The following TFR2 variants were observed in gnomAD, a reference collection of about 807,000 sequenced individuals.
TFR2 encodes the protein transferrin receptor 2.
A neutral mutation model predicts 91.9 loss-of-function variants in TFR2; 64 were observed. The observed-to-expected ratio is 0.70, with a 90% CI of 0.57 to 0.86. The LOEUF is 0.86. Ranked by LOEUF, TFR2 falls within the 40% of genes least tolerant of loss-of-function variation. The pLI is 0.00. For synonymous variants in TFR2, 454 were observed against 459.6 expected (o/e 0.99, Z 0.15); for missense variants, 950 against 1,080.5 (o/e 0.88, Z 1.69).
chr7:100,633,659 G>T (rs2131321108), intron 3 of TFR2, 103 bp from the exon 4 acceptor site: 1 of 1,441,842 alleles, frequency 6.9e-7, no homozygotes, highest in East Asian at 2.5e-5. Context: ...GGGCGGCGAG[G>T]GGTTCCTGAG....
intron 3 of TFR2, among the ~76,000 whole-genome samples, chr7:100,634,172 A>G (rs1044063492): frequency 7.2e-6 from 1 of 138,480 alleles, no homozygotes; most frequent in African/African-American, 2.8e-5. Context: ...GTTCCTCCCG[A>G]CGTCAACACA....
Position 100,627,977 on chromosome 7 carries a change from G to A in TFR2, c.1538-3C>T. The A allele has an allele frequency of 6.2e-7, 1 of 1,613,994 alleles. No homozygotes were observed. The highest frequency in any genetic ancestry group is 8.5e-7 in the Non-Finnish European group (1 of 1,179,922). On this transcript the variant is annotated splice_region_variant and splice_polypyrimidine_tract_variant and intron_variant, in intron 12 of 17. Transcript: ENST00000223051. ...CTTGGCATGAAACTTGTCATCCCCT[G>A]GAAAAAGGGGAGGGGAGGGATGCCA...
At position 100,627,277 on chromosome 7, in the gene TFR2, G is replaced by T; in HGVS notation, c.1982C>A (p.Ser661Tyr). Residue 661 changes from serine (S) to tyrosine (Y), a missense_variant, in exon 16 of 18, where the codon TCT becomes TAT. Transcript: ENST00000223051. The part of the protein sequence containing the change: ...LRHIGNLNEF[S>Y]GDLKARGLTL... ...GGCCTCTTGAACCTTGAGGTCCCCAGAGAACTCGTTGAGGTTCCCGATGTG... is the reference window on the plus strand; with the variant it reads ...GGCCTCTTGAACCTTGAGGTCCCCATAGAACTCGTTGAGGTTCCCGATGTG... 1 of 1,549,186 alleles carries T rather than the reference G, an allele frequency of 6.5e-7. No individual in the cohort carries two copies. The highest frequency in any genetic ancestry group is 8.7e-7 in the Non-Finnish European group (1 of 1,146,768).
Position 100,627,776 on chromosome 7 carries a change from C to G in TFR2, c.1650G>C (p.Val550=), listed in dbSNP as rs757088606. ...NHSGQTLYEQ[V]VFTNPSWDAE... The stretch of plus-strand genomic sequence containing the variant: ...CATCCCAGCTGGGATTGGTGAACAC[C>G]ACCTGTTCATAGAGAGTCTGCCCAC... Residue 550 remains valine, a synonymous_variant, in exon 14 of 18, where the codon GTG becomes GTC. Transcript: ENST00000223051. The G allele has an allele frequency of 5.6e-5, 91 of 1,613,904 alleles. 2 individuals are homozygous for G. The South Asian group carries it at 9.9e-4, about 18-fold the overall frequency.
chr7:100,633,289 C>G lies in TFR2; in HGVS notation c.666G>C (p.Glu222Asp), dbSNP rs760567647. The change falls in exon 5 of 18, where the codon GAG (glutamate) becomes GAC (aspartate). Residue 222 changes from glutamate to aspartate, a missense_variant. Physicochemically the swap from Glu to Asp is conservative, Grantham distance 45 (BLOSUM62 2). Transcript: ENST00000223051. The part of the protein sequence containing the change: ...HWVDEAGKVG[E>D]QLPLEDPDVY... ...CGTCAGGGTCCTCCAGCGGCAGCTG[C>G]TCTCCGACCTTCCCGGCCTCATCGA... The G allele has an allele frequency of 4.3e-6, 7 of 1,613,790 alleles. No homozygotes were observed. The highest frequency in any genetic ancestry group is 1.1e-5 in the South Asian group (1 of 91,078).
intron 3 of TFR2, among the ~76,000 whole-genome samples, chr7:100,636,383 C>T (rs1803572139): frequency 6.6e-6 from 1 of 151,996 alleles, no homozygotes; most frequent in African/African-American, 2.4e-5. Flanking sequence ...ACCATGTTGG[C>T]CAGGCTGGTC....
At chr7:100,630,833 G>A in intron 9 of TFR2, 56 bp downstream of exon 9, 1 of 1,608,982 alleles carries the variant, frequency 6.2e-7, no homozygotes, top group South Asian at 1.1e-5. Context: ...GGGTGTATGG[G>A]CAGAAATTCC....
In TFR2 at chr7:100,629,265, T is replaced by C; in HGVS notation, c.1378A>G (p.Met460Val). The C allele has an allele frequency of 6.2e-7, 1 of 1,613,878 alleles. No individual in the cohort carries two copies. The highest frequency in any genetic ancestry group is 8.5e-7 in the Non-Finnish European group (1 of 1,179,804). ...GCCCTGACCTTACCGTTGCTCACCA[T>C]GGAGGAAAAGGTCCGCACCAGCTCC... ...LLELVRTFSS[M>V]VSNGFRPRRS... The change falls in exon 10 of 18, where the codon ATG becomes GTG. Residue 460 changes from methionine to valine, a missense_variant. Physicochemically the swap from Met to Val is conservative, Grantham distance 21. Coordinates refer to ENST00000223051, the MANE Select transcript of TFR2 (RefSeq NM_003227.4).
rs1803072232 is a variant in TFR2 at position 100,620,494 on chromosome 7, G to A, written c.*363C>T. The A allele has an allele frequency of 4.3e-6, 1 of 231,284 alleles. No homozygotes were observed. The highest frequency in any genetic ancestry group is 2.2e-5 in the African/African-American group (1 of 44,590). 14.3% of individuals were successfully genotyped at this position (231,284 alleles called of 1,614,324 possible). Reference sequence around the variant, plus strand: ...CCACAGACCACCTGTTGGCCATAAGGCTATGGTGCCAGCGATCTCTCCCAC... The same window carrying A: ...CCACAGACCACCTGTTGGCCATAAGACTATGGTGCCAGCGATCTCTCCCAC... On this transcript the variant is annotated 3_prime_UTR_variant, in exon 18 of 18. Coordinates refer to ENST00000223051, the MANE Select transcript of TFR2 (RefSeq NM_003227.4).
chr7:100,641,222 G>T lies in TFR2; in HGVS notation c.40C>A (p.Leu14Met). The change falls in exon 2 of 18, where the codon CTG becomes ATG. Residue 14 changes from leucine (L) to methionine (M), a missense_variant. Coordinates refer to ENST00000223051, the MANE Select transcript of TFR2 (RefSeq NM_003227.4). ...LWGLFQRAQQ[L>M]SPRSSQTVYQ... ...ACGGTCTGAGAGGATCTTGGGGACAGTTGTTGCTGTGCAGGCGAGGTGGGC... is the reference window on the plus strand; with the variant it reads ...ACGGTCTGAGAGGATCTTGGGGACATTTGTTGCTGTGCAGGCGAGGTGGGC... 1 of 1,537,958 alleles carries T rather than the reference G, an allele frequency of 6.5e-7. No individual in the cohort carries two copies.
Position 100,630,920 on chromosome 7 carries a change from G to A in TFR2, c.1239C>T (p.Ile413=). The stretch of plus-strand genomic sequence containing the variant: ...CTGAGCGGCCTTCGATGCAGCCGAA[G>A]ATGTTGTTGATGGGGGTGGAGGTCC... The part of the protein sequence containing the change: ...NHRTSTPINN[I]FGCIEGRSEP... Residue 413 remains isoleucine, a synonymous_variant, in exon 9 of 18, where the codon ATC becomes ATT. Transcript: ENST00000223051. The A allele has an allele frequency of 6.2e-7, 1 of 1,613,208 alleles. No homozygotes were observed. The highest frequency in any genetic ancestry group is 8.5e-7 in the Non-Finnish European group (1 of 1,179,872).
At chr7:100,630,378 C>G (rs1803400818) in intron 9 of TFR2, among the ~76,000 whole-genome samples, 1 of 152,172 alleles carries the variant, frequency 6.6e-6, no homozygotes, top group African/African-American at 2.4e-5. Context: ...CAGCCTCCAC[C>G]TCCTGGGTTC....
rs1803500754 is a variant in TFR2 at position 100,633,221 on chromosome 7, G to A, written c.726+8C>T. ...GCCCCATCCTAGGAGCGGGCAGGGG[G>A]TGCTCACCGTGACGTTGCCGATGGC... On this transcript the variant is annotated splice_region_variant and intron_variant, in intron 5 of 17. Transcript: ENST00000223051. 1 of 1,613,674 alleles carries A rather than the reference G, an allele frequency of 6.2e-7. No homozygotes were observed. The highest frequency in any genetic ancestry group is 8.5e-7 in the Non-Finnish European group (1 of 1,179,860).
rs1185718641 is a variant in TFR2, at chr7:100,631,046, G to A, written c.1113C>T (p.Leu371=). The A allele has an allele frequency of 1.9e-6, 3 of 1,573,830 alleles. No homozygotes were observed. The highest frequency in any genetic ancestry group is 2.6e-6 in the Non-Finnish European group (3 of 1,164,438). The change falls in exon 9 of 18, where the codon CTC becomes CTT. Residue 371 remains leucine (L), a synonymous_variant. Transcript: ENST00000223051. ...ADIASRLLRK[L]KGPVAPQEWQ... is the part of the protein sequence containing the mutation. ...ATTCTTGGGGGGCCACAGGGCCTTT[G>A]AGCTTCCTGGAGAGGAGGAAGGCAG...
At chr7:100,640,942 G>T in intron 2 of TFR2, 34 bp downstream of exon 2, 1 of 1,613,560 alleles carries the variant, frequency 6.2e-7, no homozygotes, top group Non-Finnish European at 8.5e-7. Flanking sequence ...CCCAGCCCAA[G>T]CCCTTCACTT....
chr7:100,637,435 A>C (rs1207615007), intron 3 of TFR2, among the ~76,000 whole-genome samples: 2 of 151,804 alleles, frequency 1.3e-5, no homozygotes, highest in Non-Finnish European at 2.9e-5. Context: ...ACAAACAAAA[A>C]AATCATAAAT....
chr7:100,621,261 T>C lies in TFR2; in HGVS notation c.2137-135A>G. 1.0e-5 allele frequency: 13 copies of C among 1,243,438 alleles called. 1 individual carries two copies. The South Asian group carries it at 2.2e-4, about 21-fold the overall frequency. The allele number at this position is 1,243,438 out of a possible 1,614,324, so 77.0% of individuals were successfully genotyped here. Reference sequence around the variant, plus strand: ...CTTTTTGTGTTTGTTTTTTGTTTGTTCGTTTGTTTTGAGACGGAGTCTCGC... The same window carrying C: ...CTTTTTGTGTTTGTTTTTTGTTTGTCCGTTTGTTTTGAGACGGAGTCTCGC... On this transcript the variant is annotated intron_variant, in intron 17 of 17. Coordinates refer to ENST00000223051, the MANE Select transcript of TFR2 (RefSeq NM_003227.4).
At chr7:100,639,896 TGCCTCA>T (rs2131326688) in intron 3 of TFR2, 1 of 146,066 alleles carries the variant, frequency 6.8e-6, no homozygotes, top group African/African-American at 2.5e-5. Flanking sequence ...GCCATTCTCC[TGCCTCA>T]GCCTCCCGAA....
chr7:100,640,413 C>A, intron 3 of TFR2: 1 of 525,008 alleles, frequency 1.9e-6, no homozygotes, highest in South Asian at 2.2e-5. Context: ...TCTGTCCAGT[C>A]TGATACTGGA....
Sources: allele counts gnomAD v4.1 joint callset (sites outside exome capture counted in the v4.1 genomes callset), GRCh38; gene constraint gnomAD v4.1.1; transcripts MANE v1.5; gene names NCBI Gene and HGNC (gene_info 2026-07-23, HGNC 2026-07-21).